The following ACSM1 variants were observed in gnomAD, a reference collection of about 807,000 sequenced individuals.
The protein encoded by ACSM1 is acyl-CoA synthetase medium chain family member 1, also known as acyl-coenzyme A synthetase ACSM1, mitochondrial.
A neutral mutation model predicts 75.8 loss-of-function variants in ACSM1; 79 were observed. The ratio of observed to expected loss-of-function variants is 1.04; its 90% CI spans 0.87 to 1.26. ACSM1 has a LOEUF of 1.26. Among genes scored for constraint, ACSM1 ranks in the 50% most tolerant of loss-of-function variants. The pLI, the probability that ACSM1 is intolerant of heterozygous loss-of-function variation, is 0.00. For synonymous variants in ACSM1, 279 were observed against 265.8 expected, an observed-to-expected ratio of 1.05 and a Z score of -0.48; for missense variants, 676 against 720.1, an observed-to-expected ratio of 0.94 and a Z score of 0.70.
At position 20,685,296 on chromosome 16, in the gene ACSM1, G is replaced by T; in HGVS notation, c.300C>A (p.Asn100Lys). 1 of 1,614,192 alleles carries T rather than the reference G, an allele frequency of 6.2e-7. No homozygotes were observed. The highest frequency in any genetic ancestry group is 8.5e-7 in the Non-Finnish European group (1 of 1,180,018). ...EMGDLTRRVA[N>K]VFTQTCGLQQ... ...GTAGGCCACAGGTCTGTGTGAAGAC[G>T]TTGGCTACACGGCGGGTTAGGTCTC... Residue 100 changes from asparagine to lysine, a missense_variant, in exon 3 of 14, where the codon AAC becomes AAA. By Grantham distance (94) the Asn-to-Lys change is moderately conservative (BLOSUM62 0). Coordinates refer to ENST00000520010, the MANE Select transcript of ACSM1 (RefSeq NM_001318890.3).
chr16:20,692,212 C>T (rs1017615758), intron 1 of ACSM1, among the ~76,000 whole-genome samples: 11 of 152,252 alleles, frequency 7.2e-5, no homozygotes, highest in Admixed American at 4.6e-4. Flanking sequence ...TATGAGTGAA[C>T]CTGGCCCGTG....
Position 20,659,477 on chromosome 16 carries a change from A to G in ACSM1, c.992+2317T>C, listed in dbSNP as rs182951221. 2.0e-3 allele frequency among the ~76,000 whole-genome samples: 307 copies of G among 152,304 alleles called. 2 individuals carry two copies. Among genetic ancestry groups the G allele is most frequent in the Non-Finnish European group, 3.4e-3 (234 of 68,022 alleles). On this transcript the variant is annotated intron_variant, in intron 7 of 13. Coordinates refer to ENST00000520010, the MANE Select transcript of ACSM1 (RefSeq NM_001318890.3). ...CCTGGGGAGTCATACCTTACAAACC[A>G]TAAATTCTCATCAGATGGGTTTTAT...
At chr16:20,674,808 ACTT>A (rs1269339460) in intron 4 of ACSM1, 1 of 152,300 alleles carries the variant, frequency 6.6e-6, no homozygotes, top group Non-Finnish European at 1.5e-5. Flanking sequence ...TGACACCAGC[ACTT>A]CAGGAACCGC....
chr16:20,671,545 G>T lies in ACSM1; in HGVS notation c.738C>A (p.Pro246=). ...CTCTTTCCTACCTTCCTGGGAAGGA[G>T]GGTTGTAAGGCCAACCCATGGGAGT... ...AKHSHGLALQ[P]SFPGSRKLRS... is the part of the protein sequence containing the mutation. The change falls in exon 5 of 14, where the codon CCC becomes CCA. Residue 246 remains proline, a synonymous_variant. Transcript: ENST00000520010. 6.2e-7 allele frequency: 1 copy of T among 1,609,956 alleles called. No homozygotes were observed. Among genetic ancestry groups the T allele is most frequent in the South Asian group, 1.1e-5 (1 of 90,260 alleles).
chr16:20,657,489 A>G (rs888331142), intron 7 of ACSM1, among the ~76,000 whole-genome samples: 1 of 151,878 alleles, frequency 6.6e-6, no homozygotes, highest in Non-Finnish European at 1.5e-5. Context: ...TTATACTTTT[A>G]ATAGAGACAG....
At chr16:20,676,232 AG>A (rs1414570552) in intron 4 of ACSM1, 1 of 152,220 alleles carries the variant, frequency 6.6e-6, no homozygotes, top group Non-Finnish European at 1.5e-5. Context: ...GCCTCTTAAG[AG>A]GACAAGAGGA....
intron 7 of ACSM1, among the ~76,000 whole-genome samples, chr16:20,655,133 C>T (rs1315604212): frequency 6.6e-6 from 1 of 151,526 alleles, no homozygotes; most frequent in Non-Finnish European, 1.5e-5. Flanking sequence ...TCATTCTCAG[C>T]AAACTATCAC....
chr16:20,635,622 TTCTTTCTTTCTTTCTTTC>T (rs1344871479), intron 10 of ACSM1, among the ~76,000 whole-genome samples: 50 of 144,092 alleles, frequency 3.5e-4, no homozygotes, highest in Admixed American at 1.5e-3. Context: ...CTTTCTTTCT[TTCTTTCTTTCTTTCTTTC>T]TTTCTTTCTT....
chr16:20,678,915 G>A (rs902486202), intron 4 of ACSM1, among the ~76,000 whole-genome samples: 1 of 152,002 alleles, frequency 6.6e-6, no homozygotes, highest in African/African-American at 2.4e-5. Context: ...TTGTTCAGCC[G>A]GCCACCCCCC....
intron 7 of ACSM1, among the ~76,000 whole-genome samples, chr16:20,655,903 C>T (rs1025939648): frequency 2.0e-5 from 3 of 152,102 alleles, no homozygotes; most frequent in Non-Finnish European, 4.4e-5. Flanking sequence ...CCTTGTGATC[C>T]GCACACCTCA....
chr16:20,627,320 C>A lies in ACSM1; in HGVS notation c.1300-4G>T, dbSNP rs1217668820. The A allele has an allele frequency of 1.9e-6, 3 of 1,561,884 alleles. No homozygotes were observed. Among genetic ancestry groups the A allele is most frequent in the Non-Finnish European group, 1.7e-6 (2 of 1,159,680 alleles). On this transcript the variant is annotated splice_polypyrimidine_tract_variant and splice_region_variant and intron_variant, in intron 10 of 13. Transcript: ENST00000520010. ...TAGCTGTCTTCTCTGGGTCACCCTG[C>A]AAAAAGAAGAGAGCTCCTTTGTTGA...
intron 10 of ACSM1, among the ~76,000 whole-genome samples, chr16:20,635,934 C>T (rs764565912): frequency 2.4e-4 from 37 of 152,264 alleles, no homozygotes; most frequent in Non-Finnish European, 4.7e-4. Context: ...CCACCCCACC[C>T]TGCCTAATTT....
intron 4 of ACSM1, chr16:20,681,958 C>T (rs553433417): frequency 3.5e-5 from 9 of 253,690 alleles, no homozygotes; most frequent in Admixed American, 3.4e-4. Context: ...AGTTGTAAAA[C>T]ATGTTTTTCC....
chr16:20,684,122 T>C (rs1436105606), intron 3 of ACSM1, among the ~76,000 whole-genome samples: 3 of 152,082 alleles, frequency 2.0e-5, no homozygotes, highest in African/African-American at 7.2e-5. Context: ...CTAATCTATA[T>C]AGACAAAAAA....
In ACSM1 at chr16:20,691,171, C is replaced by T; in HGVS notation, c.18G>A (p.Arg6=). Residue 6 remains arginine, a synonymous_variant, in exon 2 of 14, where the codon AGG becomes AGA. Coordinates refer to ENST00000520010, the MANE Select transcript of ACSM1 (RefSeq NM_001318890.3). ...TGTGGATGCCCCAGAGGGTCCGGAA[C>T]CTCATTAGCCACTGCATGGTGAAAC... MQWLM[R]FRTLWGIHKS... The T allele has an allele frequency of 6.3e-7, 1 of 1,593,912 alleles. No homozygotes were observed. The highest frequency in any genetic ancestry group is 8.5e-7 in the Non-Finnish European group (1 of 1,172,322).
chr16:20,645,823 G>T (rs1297094981), intron 7 of ACSM1, among the ~76,000 whole-genome samples: 1 of 152,128 alleles, frequency 6.6e-6, no homozygotes, highest in East Asian at 1.9e-4. Context: ...TAGGAAGAAG[G>T]CTATGAATTA....
At chr16:20,683,004 G>A (rs1460656793) in intron 3 of ACSM1, among the ~76,000 whole-genome samples, 1 of 151,924 alleles carries the variant, frequency 6.6e-6, no homozygotes, top group Admixed American at 6.6e-5. Flanking sequence ...TTTCCTTCTG[G>A]ATTCTCATCC....
intron 1 of ACSM1, 74 bp downstream of exon 1, chr16:20,697,556 TACACAC>T (rs57633278): frequency 0.17 from 23,121 of 139,352 alleles, 2,095 homozygotes; most frequent in East Asian, 0.33. Context: ...AAAATTGGAT[TACACAC>T]ACACACACAC....
intron 6 of ACSM1, among the ~76,000 whole-genome samples, chr16:20,668,364 C>T (rs1363722624): frequency 6.6e-6 from 1 of 152,130 alleles, no homozygotes; most frequent in East Asian, 1.9e-4. Context: ...CTCTCTATAG[C>T]AGCGGAAGAA....
Sources: allele counts gnomAD v4.1 joint callset (sites outside exome capture counted in the v4.1 genomes callset), GRCh38; gene constraint gnomAD v4.1.1; transcripts MANE v1.5; gene names NCBI Gene and HGNC (gene_info 2026-07-23, HGNC 2026-07-21).